Variants in TRAPPC10 observed in about 807,000 individuals in gnomAD.
TRAPPC10 encodes TRAPP 130 kDa subunit.
A neutral mutation model predicts 125.5 loss-of-function variants in TRAPPC10; 23 were observed. The observed-to-expected ratio is 0.18, with a 90% CI of 0.13 to 0.26. TRAPPC10 has a LOEUF of 0.26. Among genes scored for constraint, TRAPPC10 ranks in the 10% least tolerant of loss-of-function variants. The pLI, the probability that TRAPPC10 is intolerant of heterozygous loss-of-function variation, is 1.00. For missense variants in TRAPPC10, 1,123 were observed against 1,308.4 expected (o/e 0.86, Z 2.19); for synonymous variants, 509 against 518.0 (o/e 0.98, Z 0.24).
intron 1 of TRAPPC10, among the ~76,000 whole-genome samples, chr21:44,023,025 CTTTTTTTTTTTTT>C (rs1028804319): frequency 1.2e-5 from 1 of 80,234 alleles, no homozygotes; most frequent in African/African-American, 5.7e-5. Context: ...TTCCCTATGT[CTTTTTTTTTTTTT>C]TTTTTTTTTT....
Position 44,087,010 on chromosome 21 carries a change from A to C in TRAPPC10, c.2539+50A>C. On this transcript the variant is annotated intron_variant, in intron 16 of 22. Transcript: ENST00000291574. This position sits in a 1 kb window ranked among gnomAD's most constrained non-coding sequence, Gnocchi z 4.6. ...AAGGAGGATGCCCACCTTGCCCTGC[A>C]CTGTGTGGGTGTGAGGGTGAGCCTG... 6.2e-7 allele frequency: 1 copy of C among 1,600,274 alleles called. No homozygotes were observed. Among genetic ancestry groups the C allele is most frequent in the Non-Finnish European group, 8.5e-7 (1 of 1,171,312 alleles).
At chr21:44,089,157 T>G (rs57782782) in intron 17 of TRAPPC10, 1 of 194,548 alleles carries the variant, frequency 5.1e-6, no homozygotes, top group Non-Finnish European at 9.2e-6. Flanking sequence ...TGCTGTGTGC[T>G]GTGTTATCCT....
chr21:44,082,852 C>G lies in TRAPPC10; in HGVS notation c.1788C>G (p.Ser596=). 6.2e-7 allele frequency: 1 copy of G among 1,614,096 alleles called. No homozygotes were observed. The highest frequency in any genetic ancestry group is 8.5e-7 in the Non-Finnish European group (1 of 1,180,026). The change falls in exon 14 of 23, where the codon TCC becomes TCG. Residue 596 remains serine, a synonymous_variant. Coordinates refer to ENST00000291574, the MANE Select transcript of TRAPPC10 (RefSeq NM_003274.5). This position sits in a 1 kb window ranked among gnomAD's most constrained non-coding sequence, Gnocchi z 4.4. ...TGCGAGATCTCCATTTTGATCCCTCCAATGCCGTGGTCCACGTGGGCGGCG... is the reference window on the plus strand; with the variant it reads ...TGCGAGATCTCCATTTTGATCCCTCGAATGCCGTGGTCCACGTGGGCGGCG... ...AQLRDLHFDP[S]NAVVHVGGVL... is the part of the protein sequence containing the mutation.
chr21:44,062,936 T>C (rs1356270804), intron 6 of TRAPPC10: 3 of 1,271,304 alleles, frequency 2.4e-6, no homozygotes, highest in Non-Finnish European at 3.1e-6. Context: ...TTTAAGATCA[T>C]ATTTGAGTCT....
At chr21:44,074,007 A>G (rs1005738701) in intron 7 of TRAPPC10, among the ~76,000 whole-genome samples, 2 of 152,014 alleles carry the variant, frequency 1.3e-5, no homozygotes, top group Admixed American at 6.5e-5. Context: ...TTTTCTATAT[A>G]TATTTTTCAG....
chr21:44,060,314 TGC>T, intron 6 of TRAPPC10: 1 of 150,920 alleles, frequency 6.6e-6, no homozygotes, highest in Non-Finnish European at 1.5e-5. Context: ...CTTGCACTGT[TGC>T]CCAGGCTGGA....
At chr21:44,052,612 G>T (rs1569170218) in intron 4 of TRAPPC10, 136 bp downstream of exon 4, 4 of 789,572 alleles carry the variant, frequency 5.1e-6, no homozygotes. Context: ...GAGACCTGGT[G>T]CCTGTCCTTG....
chr21:44,012,787 C>G (rs1004597572), intron 1 of TRAPPC10, among the ~76,000 whole-genome samples: 2 of 151,922 alleles, frequency 1.3e-5, no homozygotes, highest in Non-Finnish European at 2.9e-5. Context: ...GCCCTCGGGC[C>G]GGCTGCAGTT....
At chr21:44,025,283 A>C (rs1202163615) in intron 1 of TRAPPC10, among the ~76,000 whole-genome samples, 1 of 152,228 alleles carries the variant, frequency 6.6e-6, no homozygotes, top group Non-Finnish European at 1.5e-5. Flanking sequence ...CCCTTGAACA[A>C]AGCCAGTGGC....
At chr21:44,015,610 A>G in intron 1 of TRAPPC10, among the ~76,000 whole-genome samples, 1 of 140,470 alleles carries the variant, frequency 7.1e-6, no homozygotes. Flanking sequence ...AGCTCTCCAA[A>G]TTTTTTTTTT....
chr21:44,079,835 T>C (rs2037557232), intron 12 of TRAPPC10, 131 bp downstream of exon 12: 3 of 1,125,070 alleles, frequency 2.7e-6, no homozygotes, highest in African/African-American at 1.6e-5. Context: ...ATGTATTGTA[T>C]AGAAAATGAA....
chr21:44,100,755 GCTC>G lies in TRAPPC10; in HGVS notation c.3347-2020_3347-2018del, dbSNP rs140857324. On this transcript the variant is annotated intron_variant, in intron 21 of 22. Transcript: ENST00000291574. Reference sequence around the variant, plus strand: ...TTCAACACTTTTTGCACCAAAATAAGCTCCTACTCACTGAGCAGGATCTAGTTT... The same window carrying G: ...TTCAACACTTTTTGCACCAAAATAAGCTACTCACTGAGCAGGATCTAGTTT... Among the ~76,000 whole-genome samples, 38 of 21,516 alleles carry G rather than the reference GCTC, an allele frequency of 1.8e-3. 3 individuals are homozygous for G. Among genetic ancestry groups the G allele is most frequent in the African/African-American group, 3.0e-3 (37 of 12,508 alleles). 14.1% of individuals were successfully genotyped at this position (21,516 alleles called of 152,430 possible).
Position 44,013,043 on chromosome 21 carries a change from A to C in TRAPPC10, c.67+483A>C, listed in dbSNP as rs557020388. Among the ~76,000 whole-genome samples, 260 of 152,254 alleles carry C rather than the reference A, an allele frequency of 1.7e-3. 2 individuals carry two copies. Among genetic ancestry groups the C allele is most frequent in the African/African-American group, 6.0e-3 (248 of 41,560 alleles). ...GTAGGAACAGTTTGTTGCGGGGTGA[A>C]GCGTCAGGCAGAGCCGCCGGGACTG... On this transcript the variant is annotated intron_variant, in intron 1 of 22. Coordinates refer to ENST00000291574, the MANE Select transcript of TRAPPC10 (RefSeq NM_003274.5).
intron 5 of TRAPPC10, among the ~76,000 whole-genome samples, chr21:44,058,301 C>T (rs567587481): frequency 3.4e-4 from 52 of 151,790 alleles, no homozygotes; most frequent in African/African-American, 9.7e-4. Flanking sequence ...AGTGGGGCAG[C>T]GCACAGGTCC....
intron 3 of TRAPPC10, chr21:44,046,647 G>A (rs1158501070): frequency 4.2e-6 from 1 of 236,248 alleles, no homozygotes; most frequent in Non-Finnish European, 8.4e-6. Flanking sequence ...GAGTAGCTGG[G>A]ATTATAGGCA....
chr21:44,089,877 A>G lies in TRAPPC10; in HGVS notation c.2814A>G (p.Ala938=). The G allele has an allele frequency of 1.2e-6, 2 of 1,613,842 alleles. No homozygotes were observed. Among genetic ancestry groups the G allele is most frequent in the East Asian group, 2.2e-5 (1 of 44,870 alleles). The change falls in exon 18 of 23, where the codon GCA becomes GCG. Residue 938 remains alanine, a synonymous_variant. Transcript: ENST00000291574. ...CPWSIYSTVI[A]LTFSVPFRTT... ...GGTCCATCTACTCCACAGTCATCGC[A>G]CTGACCTTCAGCGTACCCTTCAGGA...
chr21:44,037,964 T>A (rs771129889), intron 3 of TRAPPC10, 37 bp downstream of exon 3: 2 of 1,606,612 alleles, frequency 1.2e-6, no homozygotes, highest in Non-Finnish European at 1.7e-6. Context: ...CGCGGTGGGA[T>A]GGGGTTGGAG....
intron 1 of TRAPPC10, among the ~76,000 whole-genome samples, chr21:44,016,403 C>G (rs2031847726): frequency 6.6e-6 from 1 of 152,250 alleles, no homozygotes; most frequent in East Asian, 1.9e-4. Context: ...GTCCTCATAC[C>G]TACAATAGCA....
intron 3 of TRAPPC10, among the ~76,000 whole-genome samples, chr21:44,048,017 C>G (rs1242286481): frequency 1.3e-5 from 2 of 152,218 alleles, no homozygotes; most frequent in Non-Finnish European, 2.9e-5. Context: ...CGAGGCAACA[C>G]AGTCTTGAGT....
Sources: allele counts gnomAD v4.1 joint callset (sites outside exome capture counted in the v4.1 genomes callset), GRCh38; gene constraint gnomAD v4.1.1; non-coding constraint Gnocchi (gnomAD v3.1); transcripts MANE v1.5; gene names NCBI Gene and HGNC (gene_info 2026-07-23, HGNC 2026-07-21).